The following CCDC7 variants were observed in gnomAD, a reference collection of about 807,000 sequenced individuals.
The protein encoded by CCDC7 is coiled-coil domain-containing protein 7.
Under a neutral mutation model 196.9 loss-of-function variants are expected in CCDC7, and 183 were observed. The ratio of observed to expected loss-of-function variants is 0.93; its 90% CI spans 0.82 to 1.05. CCDC7 has a LOEUF of 1.05. CCDC7 is among the 50% of genes least tolerant of loss of function. The pLI is 0.00. For missense variants in CCDC7, 1,540 were observed against 1,482.2 expected, an observed-to-expected ratio of 1.04 and a Z score of -0.64; for synonymous variants, 525 against 484.6, an observed-to-expected ratio of 1.08 and a Z score of -1.10.
At chr10:32,614,235 T>G (rs750023512) in intron 18 of CCDC7, among the ~76,000 whole-genome samples, 1 of 144,458 alleles carries the variant, frequency 6.9e-6, no homozygotes, top group Non-Finnish European at 1.5e-5. Flanking sequence ...CAACCCCTGG[T>G]TTTTTTTTTC....
chr10:32,447,076 G>A (rs949256368), upstream of CCDC7, among the ~76,000 whole-genome samples: 1 of 151,538 alleles, frequency 6.6e-6, no homozygotes, highest in African/African-American at 2.4e-5. Context: ...TTTTCTTCTA[G>A]TAATACTGTA....
At chr10:32,633,696 ATGTGTG>A (rs1554928040) in intron 18 of CCDC7, among the ~76,000 whole-genome samples, 6,430 of 135,144 alleles carry the variant, frequency 0.048, 532 homozygotes, top group African/African-American at 0.17. Flanking sequence ...ATATATATAT[ATGTGTG>A]TGTGTGTGTG....
At chr10:32,638,521 C>A (rs1353385943) in intron 20 of CCDC7, among the ~76,000 whole-genome samples, 22 of 152,198 alleles carry the variant, frequency 1.4e-4, no homozygotes, top group Admixed American at 1.4e-3. Context: ...TGTTTATATG[C>A]TGGATTACAT....
At chr10:32,484,813 C>A (rs1427827372) in intron 8 of CCDC7, among the ~76,000 whole-genome samples, 2 of 152,018 alleles carry the variant, frequency 1.3e-5, no homozygotes, top group East Asian at 3.9e-4. Context: ...TTCATTTGTG[C>A]ATGTTGAACC....
chr10:32,552,496 T>G (rs1025234417), intron 13 of CCDC7, among the ~76,000 whole-genome samples: 2 of 152,186 alleles, frequency 1.3e-5, no homozygotes, highest in African/African-American at 2.4e-5. Flanking sequence ...TTAACTTGTA[T>G]TTATGTTTTA....
intron 30 of CCDC7, among the ~76,000 whole-genome samples, chr10:32,810,980 A>G (rs1042785826): frequency 6.6e-6 from 1 of 152,112 alleles, no homozygotes; most frequent in Non-Finnish European, 1.5e-5. Flanking sequence ...GAAAATGAAA[A>G]TGCAACATAT....
intron 28 of CCDC7, among the ~76,000 whole-genome samples, chr10:32,766,506 A>G (rs1026799387): frequency 9.2e-5 from 14 of 152,130 alleles, no homozygotes; most frequent in African/African-American, 3.4e-4. Flanking sequence ...GCCTTCGGCA[A>G]GTTCCTATAG....
intron 30 of CCDC7, among the ~76,000 whole-genome samples, chr10:32,812,271 G>A (rs1338279135): frequency 6.6e-6 from 1 of 151,758 alleles, no homozygotes; most frequent in Non-Finnish European, 1.5e-5. Context: ...GAAACCACAG[G>A]AACAAATTAA....
downstream of CCDC7, among the ~76,000 whole-genome samples, chr10:32,877,677 C>T (rs1382029317): frequency 6.6e-6 from 1 of 152,078 alleles, no homozygotes; most frequent in East Asian, 1.9e-4. Context: ...GTTTTATTTT[C>T]ACTGAAGCTC....
chr10:32,449,452 C>T (rs2133295037), upstream of CCDC7, among the ~76,000 whole-genome samples: 1 of 152,316 alleles, frequency 6.6e-6, no homozygotes, highest in East Asian at 1.9e-4. Flanking sequence ...TCCCAAAGTA[C>T]TGGGATTACA....
intron 7 of CCDC7, among the ~76,000 whole-genome samples, chr10:32,472,750 T>G (rs554299961): frequency 6.6e-6 from 1 of 151,812 alleles, no homozygotes; most frequent in Admixed American, 6.6e-5. Context: ...CACAGGCCAC[T>G]GAGGCCAGCT....
At chr10:32,626,614 G>T (rs775554395) in intron 18 of CCDC7, among the ~76,000 whole-genome samples, 15 of 151,770 alleles carry the variant, frequency 9.9e-5, no homozygotes, top group African/African-American at 1.7e-4. Flanking sequence ...TGCTTTTGGG[G>T]TCAAATAAAA....
intron 20 of CCDC7, among the ~76,000 whole-genome samples, chr10:32,635,878 A>G (rs1395091803): frequency 2.6e-5 from 4 of 151,704 alleles, no homozygotes; most frequent in African/African-American, 9.7e-5. Flanking sequence ...TAGTCTTATT[A>G]TTGATAATTT....
At chr10:32,451,885 T>G in exon 1 of CCDC7, 1 of 1,611,862 alleles carries the variant, frequency 6.2e-7, no homozygotes, top group Non-Finnish European at 8.5e-7. Context: ...TACCAGAAGA[T>G]GAAATGATCG....
intron 21 of CCDC7, among the ~76,000 whole-genome samples, chr10:32,669,800 C>G (rs1347369137): frequency 6.6e-6 from 1 of 151,820 alleles, no homozygotes; most frequent in Non-Finnish European, 1.5e-5. Context: ...TTTGTCTTTT[C>G]TTTTTTTGTT....
intron 9 of CCDC7, among the ~76,000 whole-genome samples, chr10:32,516,181 A>G (rs908782677): frequency 6.6e-6 from 1 of 152,216 alleles, no homozygotes; most frequent in Non-Finnish European, 1.5e-5. Context: ...AAGATAAATA[A>G]TTCAATTAAA....
At chr10:32,615,646 T>C (rs1040980784) in intron 18 of CCDC7, among the ~76,000 whole-genome samples, 1 of 152,162 alleles carries the variant, frequency 6.6e-6, no homozygotes, top group Non-Finnish European at 1.5e-5. Flanking sequence ...CATTGATTGT[T>C]TCCTTTGCTG....
intron 41 of CCDC7, among the ~76,000 whole-genome samples, chr10:32,865,785 C>T (rs962087604): frequency 6.6e-6 from 1 of 151,844 alleles, no homozygotes; most frequent in Admixed American, 6.6e-5. Context: ...GTTTTCATCA[C>T]TGTATGGCTT....
intron 8 of CCDC7, among the ~76,000 whole-genome samples, chr10:32,486,862 C>G (rs1426118957): frequency 6.6e-6 from 1 of 151,892 alleles, no homozygotes; most frequent in African/African-American, 2.4e-5. Context: ...GAGAGATCAG[C>G]TGTTAGTCTG....
Sources: gnomAD v4.1 joint callset for allele counts (sites outside exome capture counted in the v4.1 genomes callset) on GRCh38, gnomAD v4.1.1 for gene constraint, MANE v1.5 for transcripts, NCBI Gene and HGNC (gene_info 2026-07-23, HGNC 2026-07-21) for gene names.